SLC25A35: variants seen among roughly 807,000 people sequenced by gnomAD.
The protein encoded by SLC25A35 is solute carrier family 25, member 35.
Under a neutral mutation model 30.5 loss-of-function variants are expected in SLC25A35, and 32 were observed. The observed-to-expected ratio is 1.05, with a 90% CI of 0.79 to 1.41. The LOEUF (loss-of-function observed/expected upper bound fraction) is 1.41. SLC25A35 is among the 40% of genes most tolerant of loss of function. The probability of loss-of-function intolerance (pLI) is 0.00; values close to 1 mark genes in which losing one functional copy is unlikely to be tolerated. For missense variants in SLC25A35, 369 were observed against 388.0 expected (o/e 0.95, Z 0.41); for synonymous variants, 142 against 158.1 (o/e 0.90, Z 0.77).
intron 1 of SLC25A35, among the ~76,000 whole-genome samples, chr17:8,293,100 C>T (rs543670970): frequency 1.3e-5 from 2 of 152,344 alleles, no homozygotes; most frequent in South Asian, 4.1e-4. Context: ...GCCTCTGCTA[C>T]AGGACATACT....
chr17:8,293,096 G>A (rs576034497), intron 1 of SLC25A35, among the ~76,000 whole-genome samples: 40 of 152,324 alleles, frequency 2.6e-4, no homozygotes, highest in African/African-American at 9.4e-4. Context: ...GACTGCCTCT[G>A]CTACAGGACA....
chr17:8,290,397 C>G lies in SLC25A35; in HGVS notation c.*108G>C, dbSNP rs997300475. 1.4e-5 allele frequency: 20 copies of G among 1,467,156 alleles called. No homozygotes were observed. Among genetic ancestry groups the G allele is most frequent in the Non-Finnish European group, 1.6e-5 (18 of 1,112,228 alleles). The allele number at this position is 1,467,156 out of a possible 1,614,324, so 90.9% of individuals were successfully genotyped here. On this transcript the variant is annotated 3_prime_UTR_variant, in exon 5 of 5. Coordinates refer to ENST00000577745, the MANE Select transcript of SLC25A35 (RefSeq NM_001320870.2). ...ACAGATGGGGAGTGGGGTTGGCTGT[C>G]CCCCATGGATGGATGAAAGGTCACC...
downstream of SLC25A35, chr17:8,288,887 G>C: frequency 6.2e-7 from 1 of 1,614,174 alleles, no homozygotes; most frequent in African/African-American, 1.3e-5. Context: ...GGGGCGCCCA[G>C]GGGCGGCTGA....
Position 8,290,667 on chromosome 17 carries a change from G to T in SLC25A35, c.741C>A (p.Tyr247Ter), listed in dbSNP as rs780491347. The part of the protein sequence containing the change: ...PTDAQGKGLM[Y>*]RGILDALLQT... ...GCAGCAGAGCGTCCAGTATCCCCCG[G>T]TACATGAGGCCCTGAGAGTGTGTCA... is the stretch of plus-strand genomic sequence containing the variant. Residue 247 changes from tyrosine to a stop codon, truncating the protein, a stop_gained, in exon 5 of 5, where the codon TAC becomes TAA. Transcript: ENST00000577745. LOFTEE classifies it high-confidence loss of function. The T allele has an allele frequency of 6.4e-7, 1 of 1,574,334 alleles. No individual in the cohort carries two copies.
Position 8,290,515 on chromosome 17 carries a change from T to C in SLC25A35, c.893A>G (p.Asp298Gly). Residue 298 changes from aspartate to glycine, a missense_variant, in exon 5 of 5, where the codon GAC (aspartate) becomes GGC (glycine). Physicochemically the swap from Asp to Gly is moderately conservative, Grantham distance 94. Coordinates refer to ENST00000577745, the MANE Select transcript of SLC25A35 (RefSeq NM_001320870.2). ...WDQLRSLYYT[D>G]TK The stretch of plus-strand genomic sequence containing the variant: ...CTGGGAAAGCGGCTGTTATTTAGTG[T>C]CTGTGTAGTAGAGGGAGCGCAGCTG... The C allele has an allele frequency of 6.5e-7, 1 of 1,535,854 alleles. No homozygotes were observed. The highest frequency in any genetic ancestry group is 1.7e-4 in the Middle Eastern group (1 of 5,976).
downstream of SLC25A35, chr17:8,289,045 C>T: frequency 2.5e-6 from 4 of 1,613,942 alleles, no homozygotes; most frequent in Middle Eastern, 3.3e-4. Flanking sequence ...GAGCTGCAGG[C>T]CCACGTACGG....
In SLC25A35 at chr17:8,295,186, G is replaced by T. The variant is rs1861954; in HGVS notation, c.-379C>A. ...GGGTTGGGAGATGGAAGCCAGGGAG[G>T]CAGGAAGAAGAAAGCCAGCAAGTGA... On this transcript the variant is annotated 5_prime_UTR_variant, in exon 1 of 5. Transcript: ENST00000577745. The T allele has an allele frequency of 0.12, 119,915 of 1,014,834 alleles. 10,195 individuals are homozygous for T. Among genetic ancestry groups the T allele is most frequent in the East Asian group, 0.42 (4,317 of 10,280 alleles). The allele number at this position is 1,014,834 out of a possible 1,614,324, so 62.9% of individuals were successfully genotyped here.
chr17:8,292,961 C>T (rs556506211), intron 1 of SLC25A35, among the ~76,000 whole-genome samples: 1 of 152,352 alleles, frequency 6.6e-6, no homozygotes, highest in African/African-American at 2.4e-5. Context: ...CCAGCCACCA[C>T]TTCTATCAGG....
At chr17:8,288,943 C>T (rs765840977), downstream of SLC25A35, 1 of 1,614,018 alleles carries the variant, frequency 6.2e-7, no homozygotes. Context: ...GGGTCTGCCT[C>T]GCCTCACTCC....
downstream of SLC25A35, chr17:8,288,148 G>GAA (rs1990206618): frequency 6.3e-6 from 1 of 158,384 alleles, no homozygotes; most frequent in East Asian, 1.9e-4. Context: ...TGAAAAGGAC[G>GAA]AGGAGGCCAG....
intron 3 of SLC25A35, 21 bp downstream of exon 3, chr17:8,291,312 C>G: frequency 6.2e-7 from 1 of 1,613,184 alleles, no homozygotes. Context: ...GAAACAGACC[C>G]ACCCATTTCC....
chr17:8,289,430 T>G (rs752925793), downstream of SLC25A35: 28 of 1,613,086 alleles, frequency 1.7e-5, no homozygotes, highest in Non-Finnish European at 2.2e-5. Context: ...GGCCCGAGAG[T>G]GTGTAATGTC....
rs992717347 is a variant in SLC25A35, at chr17:8,294,953, A to G, written c.-146T>C. 12 of 1,433,424 alleles carry G rather than the reference A, an allele frequency of 8.4e-6. No homozygotes were observed. In the South Asian group the frequency reaches 1.1e-4, roughly 13 times the overall value. 88.8% of individuals were successfully genotyped at this position (1,433,424 alleles called of 1,614,324 possible). On this transcript the variant is annotated 5_prime_UTR_variant, in exon 1 of 5. Coordinates refer to ENST00000577745, the MANE Select transcript of SLC25A35 (RefSeq NM_001320870.2). ...ATTTAGATTTGCAGTCAAGGGTGTC[A>G]GGGTCAAATGTCAAGTGGTCAAACG...
In SLC25A35 at chr17:8,295,112, G is replaced by A; in HGVS notation, c.-305C>T. 2.7e-6 allele frequency: 3 copies of A among 1,109,862 alleles called. No homozygotes were observed. Among genetic ancestry groups the A allele is most frequent in the Non-Finnish European group, 3.3e-6 (3 of 908,348 alleles). The allele number at this position is 1,109,862 out of a possible 1,614,324, so 68.8% of individuals were successfully genotyped here. A position where few individuals can be genotyped will look rare whatever the true frequency, so the allele number is the denominator to read the frequency against. ...AAGACAGAAGGTTGCAGGTGGGATG[G>A]CTCAGGATGGCGGGCGACGGGAGCA... On this transcript the variant is annotated 5_prime_UTR_variant, in exon 1 of 5. Transcript: ENST00000577745.
chr17:8,292,869 G>A (rs1990605569), intron 1 of SLC25A35, among the ~76,000 whole-genome samples: 1 of 152,098 alleles, frequency 6.6e-6, no homozygotes, highest in African/African-American at 2.4e-5. Context: ...TTGGAGAATG[G>A]CAATATTTCC....
downstream of SLC25A35, chr17:8,288,882 G>A (rs1468367457): frequency 1.2e-6 from 2 of 1,614,040 alleles, no homozygotes; most frequent in Non-Finnish European, 1.7e-6. Context: ...AGGCCGGGGC[G>A]CCCAGGGGCG....
chr17:8,292,603 A>C lies in SLC25A35; in HGVS notation c.376-15T>G, dbSNP rs769068820. On this transcript the variant is annotated splice_polypyrimidine_tract_variant and intron_variant, in intron 1 of 4. Transcript: ENST00000577745. Reference sequence around the variant, plus strand: ...TGTGTCTTCACCTGGGAACAAGAGAATATCATAGCCTGTGCCCCAGTGGCC... The same window carrying C: ...TGTGTCTTCACCTGGGAACAAGAGACTATCATAGCCTGTGCCCCAGTGGCC... 1.2e-5 allele frequency: 19 copies of C among 1,613,722 alleles called. No individual in the cohort carries two copies. The highest frequency in any genetic ancestry group is 6.7e-5 in the African/African-American group (5 of 74,886).
intron 1 of SLC25A35, among the ~76,000 whole-genome samples, chr17:8,293,308 T>C (rs891031154): frequency 2.0e-5 from 3 of 152,098 alleles, no homozygotes; most frequent in African/African-American, 7.2e-5. Context: ...ATCCCTAGAC[T>C]CTCTGACGTA....
downstream of SLC25A35, chr17:8,289,217 G>C (rs1451874705): frequency 6.2e-7 from 1 of 1,609,738 alleles, no homozygotes; most frequent in Non-Finnish European, 8.5e-7. Context: ...CCGGGGAGGC[G>C]ACCAGAGATG....
Sources: gnomAD v4.1 joint callset for allele counts (sites outside exome capture counted in the v4.1 genomes callset) on GRCh38, gnomAD v4.1.1 for gene constraint, MANE v1.5 for transcripts, NCBI Gene and HGNC (gene_info 2026-07-23, HGNC 2026-07-21) for gene names.